The following F13A1 variants were observed in gnomAD, a reference collection of about 807,000 sequenced individuals.
F13A1 encodes coagulation factor XIII A chain.
Under a neutral mutation model 80.1 loss-of-function variants are expected in F13A1, and 47 were observed. That is an observed-to-expected ratio of 0.59 (90% CI 0.46 to 0.75). F13A1 has a LOEUF of 0.75. F13A1 is among the 30% of genes least tolerant of loss of function. The pLI is 0.00. For missense variants in F13A1, 817 were observed against 930.4 expected, an observed-to-expected ratio of 0.88 and a Z score of 1.59; for synonymous variants, 349 against 344.9, an observed-to-expected ratio of 1.01 and a Z score of -0.13.
At chr6:6,203,395 A>T (rs1476627368) in intron 8 of F13A1, among the ~76,000 whole-genome samples, 1 of 152,238 alleles carries the variant, frequency 6.6e-6, no homozygotes, top group Non-Finnish European at 1.5e-5. Context: ...GTTAATTAAA[A>T]GGTAGATTAT....
intron 4 of F13A1, among the ~76,000 whole-genome samples, chr6:6,254,032 T>C (rs764651507): frequency 2.4e-4 from 36 of 152,162 alleles, no homozygotes; most frequent in Non-Finnish European, 4.3e-4. Flanking sequence ...GTTCAATAAA[T>C]ATATGAAAAA....
intron 1 of F13A1, among the ~76,000 whole-genome samples, 163 bp from the exon 2 acceptor site, chr6:6,318,845 G>T (rs978061603): frequency 1.3e-5 from 2 of 152,184 alleles, no homozygotes; most frequent in Admixed American, 6.5e-5. Context: ...GTGGCAGCAA[G>T]GATTAGTCTA....
intron 10 of F13A1, among the ~76,000 whole-genome samples, chr6:6,186,824 A>G (rs1005997739): frequency 1.6e-3 from 234 of 150,704 alleles, no homozygotes; most frequent in Non-Finnish European, 2.9e-3. Flanking sequence ...CAGTATGGCC[A>G]TTTTCACGAT....
chr6:6,261,622 C>G, intron 4 of F13A1, among the ~76,000 whole-genome samples: 1 of 148,358 alleles, frequency 6.7e-6, no homozygotes, highest in Non-Finnish European at 1.5e-5. Flanking sequence ...TGGTGACCCT[C>G]CAGGTGATTC....
At chr6:6,193,919 G>C (rs1761245785) in intron 10 of F13A1, among the ~76,000 whole-genome samples, 1 of 152,158 alleles carries the variant, frequency 6.6e-6, no homozygotes, top group Non-Finnish European at 1.5e-5. Context: ...AGTAAGCTTG[G>C]TCTCCAAAGG....
rs1228593618 is a variant in F13A1, at chr6:6,281,972, C to T, written c.320-15163G>A. ...TCATGCCACTGCACTCCAGCCTGGGCGACAGAGTGAGACTCCGTCTCAAAA... is the reference window on the plus strand; with the variant it reads ...TCATGCCACTGCACTCCAGCCTGGGTGACAGAGTGAGACTCCGTCTCAAAA... On this transcript the variant is annotated intron_variant, in intron 3 of 14. Coordinates refer to ENST00000264870, the MANE Select transcript of F13A1 (RefSeq NM_000129.4). Among the ~76,000 whole-genome samples, 113 of 121,566 alleles carry T rather than the reference C, an allele frequency of 9.3e-4. 9 individuals carry two copies. Among genetic ancestry groups the T allele is most frequent in the African/African-American group, 6.5e-5 (2 of 30,678 alleles). The allele number at this position is 121,566 out of a possible 152,430, so 79.8% of individuals were successfully genotyped here.
At chr6:6,194,247 G>A (rs1204559230) in intron 10 of F13A1, among the ~76,000 whole-genome samples, 1 of 151,982 alleles carries the variant, frequency 6.6e-6, no homozygotes, top group Non-Finnish European at 1.5e-5. Flanking sequence ...TTACAGGAGG[G>A]ACAAGGAGCA....
chr6:6,241,212 A>G (rs1757479973), intron 6 of F13A1, among the ~76,000 whole-genome samples: 1 of 152,228 alleles, frequency 6.6e-6, no homozygotes, highest in Non-Finnish European at 1.5e-5. Context: ...ACTCAAGTCC[A>G]TGATGGAACC....
chr6:6,148,389 C>T (rs1383324379), intron 14 of F13A1, among the ~76,000 whole-genome samples: 2 of 152,172 alleles, frequency 1.3e-5, no homozygotes, highest in Admixed American at 6.5e-5. Context: ...CTTCCAGGCC[C>T]TCTGCTTTGG....
intron 3 of F13A1, among the ~76,000 whole-genome samples, chr6:6,288,916 C>T (rs1185625251): frequency 1.3e-5 from 2 of 152,198 alleles, no homozygotes; most frequent in Non-Finnish European, 2.9e-5. Flanking sequence ...GTTGAGCATT[C>T]TTCCATAAGC....
chr6:6,253,126 G>C (rs913897585), intron 4 of F13A1, among the ~76,000 whole-genome samples: 3 of 115,004 alleles, frequency 2.6e-5, no homozygotes, highest in Non-Finnish European at 3.3e-5. Flanking sequence ...CTGGGCAACA[G>C]AGCTAGAATC....
At chr6:6,296,644 G>T (rs1426915820) in intron 3 of F13A1, among the ~76,000 whole-genome samples, 1 of 149,488 alleles carries the variant, frequency 6.7e-6, no homozygotes. Flanking sequence ...AGGAGCTTTT[G>T]GGCTGAGACA....
chr6:6,155,739 AC>A (rs1403259521), intron 13 of F13A1, among the ~76,000 whole-genome samples: 1 of 152,166 alleles, frequency 6.6e-6, no homozygotes, highest in Non-Finnish European at 1.5e-5. Context: ...TAGTGTTTTC[AC>A]GTTATGTGTT....
rs546155049 is a variant in F13A1 at position 6,145,236 on chromosome 6, G to A, written c.*383C>T. 2 of 280,640 alleles carry A rather than the reference G, an allele frequency of 7.1e-6. No homozygotes were observed. Among genetic ancestry groups the A allele is most frequent in the East Asian group, 1.9e-4 (2 of 10,616 alleles). The allele number at this position is 280,640 out of a possible 1,614,324, so 17.4% of individuals were successfully genotyped here. On this transcript the variant is annotated 3_prime_UTR_variant, in exon 15 of 15. Transcript: ENST00000264870. Reference sequence around the variant, plus strand: ...TGTGCTATTATTCCCAAAAGGCTGAGTGGGGAATCTGAAGTCTTGTTTTAA... The same window carrying A: ...TGTGCTATTATTCCCAAAAGGCTGAATGGGGAATCTGAAGTCTTGTTTTAA...
chr6:6,220,366 T>C (rs1757174214), intron 8 of F13A1, among the ~76,000 whole-genome samples: 1 of 152,144 alleles, frequency 6.6e-6, no homozygotes, highest in Non-Finnish European at 1.5e-5. Context: ...AGCAGGGACC[T>C]GAATGAGGAC....
chr6:6,264,833 T>C (rs1165965860), intron 4 of F13A1, among the ~76,000 whole-genome samples: 1 of 152,234 alleles, frequency 6.6e-6, no homozygotes, highest in Non-Finnish European at 1.5e-5. Flanking sequence ...ATGGCCCAGT[T>C]AACATTTCCT....
chr6:6,282,674 T>G (rs1290311611), intron 3 of F13A1, among the ~76,000 whole-genome samples: 1 of 152,126 alleles, frequency 6.6e-6, no homozygotes, highest in Non-Finnish European at 1.5e-5. Context: ...AAATAGTCCT[T>G]GGTGGTTCAG....
intron 1 of F13A1, 123 bp from the exon 2 acceptor site, chr6:6,318,805 T>C (rs1372903771): frequency 1.1e-5 from 11 of 1,026,820 alleles, no homozygotes; most frequent in Non-Finnish European, 1.3e-5. Context: ...AGCAACACAT[T>C]TTGCCGTTTG....
chr6:6,293,418 G>A (rs535549633), intron 3 of F13A1, among the ~76,000 whole-genome samples: 1 of 152,078 alleles, frequency 6.6e-6, no homozygotes, highest in East Asian at 1.9e-4. Context: ...TGCCTTTCAT[G>A]ATTTGTCGAG....
Sources: gnomAD v4.1 joint callset for allele counts (sites outside exome capture counted in the v4.1 genomes callset) on GRCh38, gnomAD v4.1.1 for gene constraint, MANE v1.5 for transcripts, NCBI Gene and HGNC (gene_info 2026-07-23, HGNC 2026-07-21) for gene names.